Variants in LHFPL2 observed in about 807,000 individuals in gnomAD.
The protein encoded by LHFPL2 is LHFPL tetraspan subfamily member 2, also known as LHFPL tetraspan subfamily member 2 protein.
In LHFPL2, 7 loss-of-function variants were observed where a neutral mutation model predicts 17.5. The ratio of observed to expected loss-of-function variants is 0.40; its 90% confidence interval spans 0.23 to 0.75. The LOEUF is 0.75. LHFPL2 is among the 30% of genes least tolerant of loss of function. The pLI, the probability that LHFPL2 is intolerant of heterozygous loss-of-function variation, is 0.37. For missense variants in LHFPL2, 241 were observed against 294.8 expected, an observed-to-expected ratio of 0.82 and a Z score of 1.34; for synonymous variants, 134 against 116.2, an observed-to-expected ratio of 1.15 and a Z score of -0.99.
rs114733356 is a variant in LHFPL2 at position 78,634,090 on chromosome 5, T to C, written c.-349-1722A>G. Reference sequence around the variant, plus strand: ...TTTCTTTGAATATCTATCTTCTCCTTACCAAAAGAAAAAAGATTACCCCTC... The same window carrying C: ...TTTCTTTGAATATCTATCTTCTCCTCACCAAAAGAAAAAAGATTACCCCTC... On this transcript the variant is annotated intron_variant, in intron 1 of 4. Transcript: ENST00000380345. Among the ~76,000 whole-genome samples, 389 of 152,268 alleles carry C rather than the reference T, an allele frequency of 2.6e-3. 1 individual carries two copies. The highest frequency in any genetic ancestry group is 8.8e-3 in the African/African-American group (367 of 41,560).
In LHFPL2 at chr5:78,609,508, C is replaced by T. The variant is rs1423377414; in HGVS notation, c.-245+22756G>A. Reference sequence around the variant, plus strand: ...GAGCTTGCTTAAGTAAATTACAGCACATCTATACAATGGAATATTCTTCAG... The same window carrying T: ...GAGCTTGCTTAAGTAAATTACAGCATATCTATACAATGGAATATTCTTCAG... On this transcript the variant is annotated intron_variant, in intron 2 of 4. Transcript: ENST00000380345. Among the ~76,000 whole-genome samples, 9 of 139,696 alleles carry T rather than the reference C, an allele frequency of 6.4e-5. No homozygotes were observed. The East Asian group carries it at 1.9e-3, about 29-fold the overall frequency. 91.6% of individuals were successfully genotyped at this position (139,696 alleles called of 152,430 possible).
At chr5:78,509,432 A>C (rs1755033040) in intron 4 of LHFPL2, among the ~76,000 whole-genome samples, 1 of 152,202 alleles carries the variant, frequency 6.6e-6, no homozygotes, top group African/African-American at 2.4e-5. Context: ...ATAATTCCTC[A>C]GGGAGTTGCA....
rs536353023 is a variant in LHFPL2, at chr5:78,560,697, GTTTGCTATGCA to G, written c.-186+4105_-186+4115del. On this transcript the variant is annotated intron_variant, in intron 3 of 4. Transcript: ENST00000380345. ...GTATTACACAAGGCTTACGTAACTT[GTTTGCTATGCA>G]TTTTTTCTTTTTTTCCTCCCAATTC... is the stretch of plus-strand genomic sequence containing the variant. Among the ~76,000 whole-genome samples, 478 of 152,224 alleles carry G rather than the reference GTTTGCTATGCA, an allele frequency of 3.1e-3. 3 individuals are homozygous for G. The highest frequency in any genetic ancestry group is 3.2e-3 in the Non-Finnish European group (217 of 68,028).
chr5:78,486,739 G>A lies in LHFPL2; in HGVS notation c.*2158C>T, dbSNP rs1754256303. On this transcript the variant is annotated 3_prime_UTR_variant, in exon 5 of 5. Coordinates refer to ENST00000380345, the MANE Select transcript of LHFPL2 (RefSeq NM_005779.3). ...TCACACTCCCTTGTGACTGTTCCCA[G>A]GTTGATCTAGAGGTACACTGCCACC... 6.6e-6 allele frequency: 1 copy of A among 152,134 alleles called. No homozygotes were observed. Among genetic ancestry groups the A allele is most frequent in the Admixed American group, 6.5e-5 (1 of 15,272 alleles). 9.4% of individuals were successfully genotyped at this position (152,134 alleles called of 1,614,324 possible). A position where few individuals can be genotyped will look rare whatever the true frequency, so the allele number is the denominator to read the frequency against.
rs571936133 is a variant in LHFPL2, at chr5:78,634,429, A to T, written c.-349-2061T>A. On this transcript the variant is annotated intron_variant, in intron 1 of 4. Transcript: ENST00000380345. Reference sequence around the variant, plus strand: ...CTGCAGAAAACCCAACTGCCACCCCAGGTTTGGGCAGCACACTGTGTTTGC... The same window carrying T: ...CTGCAGAAAACCCAACTGCCACCCCTGGTTTGGGCAGCACACTGTGTTTGC... Among the ~76,000 whole-genome samples, 23 of 152,294 alleles carry T rather than the reference A, an allele frequency of 1.5e-4. 1 individual carries two copies. The highest frequency in any genetic ancestry group is 6.8e-3 in the Middle Eastern group (2 of 294).
At chr5:78,546,841 G>A (rs1240639696) in intron 3 of LHFPL2, among the ~76,000 whole-genome samples, 7 of 152,178 alleles carry the variant, frequency 4.6e-5, no homozygotes, top group Non-Finnish European at 1.0e-4. Flanking sequence ...TCCCAGAAAT[G>A]TAATCATTAG....
chr5:78,575,410 G>A (rs1427061698), intron 2 of LHFPL2, among the ~76,000 whole-genome samples: 2 of 151,986 alleles, frequency 1.3e-5, no homozygotes, highest in Non-Finnish European at 2.9e-5. Context: ...TTAGCCGGGC[G>A]TGGTGGCACG....
intron 2 of LHFPL2, among the ~76,000 whole-genome samples, chr5:78,622,708 G>A (rs1744899922): frequency 1.3e-5 from 2 of 152,180 alleles, no homozygotes; most frequent in East Asian, 1.9e-4. Context: ...ATTTAAAGGG[G>A]CTGCATTATC....
chr5:78,633,664 C>T (rs961536977), intron 1 of LHFPL2, among the ~76,000 whole-genome samples: 1 of 152,204 alleles, frequency 6.6e-6, no homozygotes, highest in Non-Finnish European at 1.5e-5. Flanking sequence ...GTAAAAAATA[C>T]ACAAAGCTGG....
chr5:78,566,783 C>A (rs531701378), intron 2 of LHFPL2, among the ~76,000 whole-genome samples: 51 of 152,282 alleles, frequency 3.3e-4, no homozygotes, highest in Middle Eastern at 3.4e-3. Flanking sequence ...AAAAATGGTT[C>A]TTTGTTAACT....
intron 2 of LHFPL2, among the ~76,000 whole-genome samples, chr5:78,621,222 G>A (rs911610721): frequency 5.3e-5 from 8 of 152,250 alleles, no homozygotes; most frequent in Middle Eastern, 6.8e-3. Flanking sequence ...CTGGTCCTCC[G>A]TTTCTTAAGA....
intron 3 of LHFPL2, among the ~76,000 whole-genome samples, chr5:78,554,034 CTT>C (rs1379737240): frequency 6.6e-6 from 1 of 152,246 alleles, no homozygotes; most frequent in Non-Finnish European, 1.5e-5. Flanking sequence ...ATTCTTACCT[CTT>C]TTACATTTAC....
rs144781367 is a variant in LHFPL2, at chr5:78,563,568, T to C, written c.-186+1245A>G. Among the ~76,000 whole-genome samples the C allele has an allele frequency of 4.0e-3, 609 of 152,072 alleles. 4 individuals are homozygous for C. Among genetic ancestry groups the C allele is most frequent in the African/African-American group, 0.014 (587 of 41,502 alleles). On this transcript the variant is annotated intron_variant, in intron 3 of 4. Coordinates refer to ENST00000380345, the MANE Select transcript of LHFPL2 (RefSeq NM_005779.3). The stretch of plus-strand genomic sequence containing the variant: ...AAAATTAGCCAGGTGTAGTTGTGCA[T>C]GTCTGTAGTCCCAGTTACTCTACTC...
intron 3 of LHFPL2, among the ~76,000 whole-genome samples, chr5:78,537,446 C>G (rs1308739606): frequency 1.3e-5 from 2 of 152,240 alleles, no homozygotes; most frequent in Admixed American, 1.3e-4. Context: ...CACCCAGTCT[C>G]TCTCCTCCCG....
chr5:78,603,049 C>G (rs1461588706), intron 2 of LHFPL2, among the ~76,000 whole-genome samples: 1 of 152,136 alleles, frequency 6.6e-6, no homozygotes, highest in African/African-American at 2.4e-5. Context: ...TGCCACCACA[C>G]CCAGCTAATT....
chr5:78,513,713 G>GT (rs1369614781), intron 3 of LHFPL2, among the ~76,000 whole-genome samples: 1 of 152,158 alleles, frequency 6.6e-6, no homozygotes, highest in African/African-American at 2.4e-5. Context: ...AGATCTGGTG[G>GT]TTTTATAAGG....
chr5:78,628,523 G>A (rs1219021948), intron 2 of LHFPL2, among the ~76,000 whole-genome samples: 4 of 152,126 alleles, frequency 2.6e-5, no homozygotes, highest in Admixed American at 6.5e-5. Flanking sequence ...CTGGTGCTCC[G>A]CTCAAAGGAG....
chr5:78,534,127 T>C (rs1340977520), intron 3 of LHFPL2, among the ~76,000 whole-genome samples: 2 of 152,110 alleles, frequency 1.3e-5, no homozygotes, highest in East Asian at 1.9e-4. Context: ...GGAGGGTACA[T>C]GTCGGAGGCT....
intron 2 of LHFPL2, among the ~76,000 whole-genome samples, chr5:78,580,504 T>A (rs1326799827): frequency 2.0e-5 from 3 of 147,794 alleles, no homozygotes; most frequent in Admixed American, 6.8e-5. Flanking sequence ...CTTTAATTCA[T>A]CTTGAATTGA....
Sources: allele counts gnomAD v4.1 joint callset (sites outside exome capture counted in the v4.1 genomes callset), GRCh38; gene constraint gnomAD v4.1.1; transcripts MANE v1.5; gene names NCBI Gene and HGNC (gene_info 2026-07-23, HGNC 2026-07-21).